Variants in PRKG1 observed in about 807,000 individuals in gnomAD.
PRKG1 encodes the protein protein kinase cGMP-dependent 1.
PRKG1 carries 35 observed loss-of-function variants against 88.1 expected under a neutral mutation model. That is an observed-to-expected ratio of 0.40 (90% confidence interval 0.30 to 0.53). PRKG1 has a LOEUF of 0.53. Ranked by LOEUF, PRKG1 falls within the 20% of genes least tolerant of loss-of-function variation. PRKG1 has a pLI of 0.59. For synonymous variants in PRKG1, 303 were observed against 292.5 expected (o/e 1.04, Z -0.37); for missense variants, 540 against 839.8 (o/e 0.64, Z 4.41).
At chr10:51,155,532 C>A (rs962836551) in intron 2 of PRKG1, among the ~76,000 whole-genome samples, 2 of 151,918 alleles carry the variant, frequency 1.3e-5, no homozygotes, top group Admixed American at 6.6e-5. Flanking sequence ...TATACCCAGG[C>A]TATTTGGATT....
intron 9 of PRKG1, among the ~76,000 whole-genome samples, chr10:52,170,882 C>T (rs533812906): frequency 1.0e-3 from 11 of 10,586 alleles, no homozygotes; most frequent in South Asian, 3.5e-3. Context: ...TGCTCTTCGG[C>T]GGCTTTCAGA....
chr10:52,066,820 C>T (rs545729700), intron 7 of PRKG1, among the ~76,000 whole-genome samples: 1 of 152,214 alleles, frequency 6.6e-6, no homozygotes, highest in African/African-American at 2.4e-5. Flanking sequence ...CAGACCATTT[C>T]TGCAAACTCT....
At chr10:51,770,289 T>A (rs999615253) in intron 3 of PRKG1, among the ~76,000 whole-genome samples, 3 of 152,212 alleles carry the variant, frequency 2.0e-5, no homozygotes, top group Admixed American at 2.0e-4. Context: ...TTATGCAGCA[T>A]AGAGGGAAAG....
At chr10:52,028,675 GT>G (rs1845404506) in intron 5 of PRKG1, among the ~76,000 whole-genome samples, 1 of 152,102 alleles carries the variant, frequency 6.6e-6, no homozygotes, top group South Asian at 2.1e-4. Context: ...CCTAAGGTGC[GT>G]TTGCTTCAGC....
At chr10:52,148,087 T>C (rs1448411326) in intron 8 of PRKG1, among the ~76,000 whole-genome samples, 1 of 152,190 alleles carries the variant, frequency 6.6e-6, no homozygotes, top group African/African-American at 2.4e-5. Flanking sequence ...AACTAAGTTC[T>C]AATAAAAATC....
intron 5 of PRKG1, among the ~76,000 whole-genome samples, chr10:52,008,342 G>C (rs1844792344): frequency 6.6e-6 from 1 of 152,000 alleles, no homozygotes; most frequent in African/African-American, 2.4e-5. Flanking sequence ...TGTAGGTGTT[G>C]GTTTTTTGAA....
chr10:51,248,575 A>C (rs1173882725), intron 2 of PRKG1, among the ~76,000 whole-genome samples: 1 of 151,844 alleles, frequency 6.6e-6, no homozygotes, highest in Admixed American at 6.6e-5. Context: ...AATTAACAGA[A>C]TCCATTTAGT....
chr10:52,035,398 C>T (rs182487481), intron 5 of PRKG1, among the ~76,000 whole-genome samples: 6,496 of 152,068 alleles, frequency 0.043, 434 homozygotes, highest in African/African-American at 0.15. Flanking sequence ...CCTTGAGGAT[C>T]GATTTCCACG....
intron 2 of PRKG1, among the ~76,000 whole-genome samples, chr10:51,211,913 T>C (rs562120907): frequency 1.1e-4 from 17 of 152,324 alleles, no homozygotes; most frequent in African/African-American, 4.1e-4. Flanking sequence ...ATAGATTCAA[T>C]GCCATCCCCA....
intron 5 of PRKG1, chr10:51,910,399 G>C (rs1000671976): frequency 6.6e-6 from 1 of 152,252 alleles, no homozygotes; most frequent in African/African-American, 2.4e-5. Context: ...ATTTCAAAAG[G>C]ATGGTTCCAA....
chr10:51,153,160 A>G lies in PRKG1; in HGVS notation c.312-4A>G, dbSNP rs766853305. ...GCCAGTAAATCTTCCCTCTCTTGCCATAGGTCCAAGGATCTTATAAAGGAA... is the reference window on the plus strand; with the variant it reads ...GCCAGTAAATCTTCCCTCTCTTGCCGTAGGTCCAAGGATCTTATAAAGGAA... On this transcript the variant is annotated splice_polypyrimidine_tract_variant and splice_region_variant and intron_variant, in intron 1 of 17. Transcript: ENST00000373980. The G allele has an allele frequency of 1.9e-6, 3 of 1,609,224 alleles. No homozygotes were observed. Among genetic ancestry groups the G allele is most frequent in the East Asian group, 4.5e-5 (2 of 44,750 alleles).
At chr10:51,705,786 G>A (rs56855815) in intron 3 of PRKG1, among the ~76,000 whole-genome samples, 2,656 of 152,286 alleles carry the variant, frequency 0.017, 82 homozygotes, top group African/African-American at 0.061. Flanking sequence ...GCAGAACGAG[G>A]ATTTGAACAC....
chr10:51,508,317 G>T (rs543083215), intron 3 of PRKG1, among the ~76,000 whole-genome samples: 3 of 152,026 alleles, frequency 2.0e-5, no homozygotes, highest in South Asian at 4.1e-4. Context: ...AAGAATATAC[G>T]CATGGTCTGC....
At chr10:51,931,741 A>G (rs190064803) in intron 5 of PRKG1, among the ~76,000 whole-genome samples, 3 of 152,248 alleles carry the variant, frequency 2.0e-5, no homozygotes, top group African/African-American at 4.8e-5. Flanking sequence ...AATTTTGCAT[A>G]TTCCTTCTGT....
chr10:52,290,680 G>A (rs1184460766), intron 17 of PRKG1, among the ~76,000 whole-genome samples: 2 of 152,090 alleles, frequency 1.3e-5, no homozygotes, highest in African/African-American at 4.8e-5. Context: ...GTGAGACTCT[G>A]TCTCTACAAA....
intron 3 of PRKG1, among the ~76,000 whole-genome samples, chr10:51,729,441 T>C (rs1842217175): frequency 6.6e-6 from 1 of 151,990 alleles, no homozygotes; most frequent in Non-Finnish European, 1.5e-5. Flanking sequence ...AAAAATTGAC[T>C]GGGCACGGTG....
chr10:51,247,835 C>T (rs866680963), intron 2 of PRKG1, among the ~76,000 whole-genome samples: 5 of 151,826 alleles, frequency 3.3e-5, no homozygotes, highest in Middle Eastern at 3.2e-3. Context: ...CTTTTAAAAA[C>T]TAAATTGATT....
At chr10:52,027,371 G>A (rs996297011) in intron 5 of PRKG1, among the ~76,000 whole-genome samples, 2 of 152,120 alleles carry the variant, frequency 1.3e-5, no homozygotes, top group African/African-American at 2.4e-5. Context: ...TAATTGGCAC[G>A]GATCTTATAT....
In PRKG1 at chr10:51,467,825, C is replaced by T. The variant is rs1839947166; in HGVS notation, c.581C>T (p.Ala194Val). ...LAILYNCTRT[A>V]TVKTLVNVKL... Reference sequence around the variant, plus strand: ...ATTCTTTACAACTGTACCCGGACAGCGACCGTCAAGAGTAAGACTATTTTC... The same window carrying T: ...ATTCTTTACAACTGTACCCGGACAGTGACCGTCAAGAGTAAGACTATTTTC... Residue 194 changes from alanine (A) to valine (V), a missense_variant, in exon 3 of 18, where the codon GCG becomes GTG. Ala to Val is a moderately conservative substitution (Grantham distance 64). Coordinates refer to ENST00000373980, the MANE Select transcript of PRKG1 (RefSeq NM_006258.4). 6.2e-7 allele frequency: 1 copy of T among 1,610,684 alleles called. No homozygotes were observed. The highest frequency in any genetic ancestry group is 1.3e-5 in the African/African-American group (1 of 74,936).
Sources: allele counts gnomAD v4.1 joint callset (sites outside exome capture counted in the v4.1 genomes callset), GRCh38; gene constraint gnomAD v4.1.1; transcripts MANE v1.5; gene names NCBI Gene and HGNC (gene_info 2026-07-23, HGNC 2026-07-21).